Variants in HLA-DQA1 observed in about 807,000 individuals in gnomAD.
HLA-DQA1 encodes major histocompatibility complex, class II, DQ alpha 1, also known as HLA class II histocompatibility antigen, DQ alpha 1 chain.
Under a neutral mutation model 20.7 loss-of-function variants are expected in HLA-DQA1, and 10 were observed. That is an observed-to-expected ratio of 0.48 (90% confidence interval 0.30 to 0.82). The LOEUF (loss-of-function observed/expected upper bound fraction) is 0.82. Ranked by LOEUF, HLA-DQA1 falls within the 40% of genes least tolerant of loss-of-function variation. The pLI, the probability that HLA-DQA1 is intolerant of heterozygous loss-of-function variation, is 0.07. For missense variants in HLA-DQA1, 127 were observed against 293.0 expected, an observed-to-expected ratio of 0.43 and a Z score of 4.14; for synonymous variants, 39 against 109.2, an observed-to-expected ratio of 0.36 and a Z score of 4.01.
At chr6:32,654,124 C>G in the HLA-DQA1 span, among the ~76,000 whole-genome samples, 1,997 of 69,168 alleles carry the variant, frequency 0.029, 344 homozygotes, top group African/African-American at 0.063. Context: ...GGACAGCATG[C>G]TGAAACTCTG....
chr6:32,643,096 A>T lies in HLA-DQA1; in HGVS notation c.*165A>T. The T allele has an allele frequency of 2.7e-6, 1 of 366,312 alleles. No individual in the cohort carries two copies. The highest frequency in any genetic ancestry group is 5.2e-6 in the Non-Finnish European group (1 of 190,824). 22.7% of individuals were successfully genotyped at this position (366,312 alleles called of 1,614,324 possible). On this transcript the variant is annotated 3_prime_UTR_variant, in exon 5 of 5. Coordinates refer to ENST00000343139, the MANE Select transcript of HLA-DQA1 (RefSeq NM_002122.5). Reference sequence around the variant, plus strand: ...GGGACTTAAGCTGCTATATCCCCTCAGAGCTCACAAATGCCTTTACATTCT... The same window carrying T: ...GGGACTTAAGCTGCTATATCCCCTCTGAGCTCACAAATGCCTTTACATTCT...
chr6:32,652,567 G>A, the HLA-DQA1 span, among the ~76,000 whole-genome samples: 84,135 of 149,006 alleles, frequency 0.56, 24,037 homozygotes, highest in Middle Eastern at 0.7. Flanking sequence ...AGAAAATGAT[G>A]AACAATTTTT....
downstream of HLA-DQA1, among the ~76,000 whole-genome samples, chr6:32,647,861 A>C (rs17843581): frequency 0.57 from 85,511 of 150,820 alleles, 24,494 homozygotes; most frequent in Middle Eastern, 0.7. Flanking sequence ...CAATAAGTAC[A>C]ATACTTTGTT....
At chr6:32,650,517 G>A (rs1445585237), downstream of HLA-DQA1, among the ~76,000 whole-genome samples, 2 of 95,914 alleles carry the variant, frequency 2.1e-5, no homozygotes, top group Non-Finnish European at 2.3e-5. Flanking sequence ...ATACTATGCA[G>A]CCATATAAAA....
chr6:32,650,781 A>G (rs544630867), downstream of HLA-DQA1, among the ~76,000 whole-genome samples: 2 of 90,720 alleles, frequency 2.2e-5, 1 homozygote, highest in Non-Finnish European at 4.8e-5. Context: ...GCAAACCAAT[A>G]TGGCACATGT....
intron 3 of HLA-DQA1, 156 bp downstream of exon 3, chr6:32,642,409 G>C (rs77452414): frequency 0.13 from 64,047 of 493,238 alleles, 19,585 homozygotes; most frequent in Admixed American, 0.26. Context: ...AAAAAAAGCA[G>C]AGATTTATTG....
chr6:32,650,844 T>TATAATA (rs199519440), downstream of HLA-DQA1, among the ~76,000 whole-genome samples: 52 of 63,600 alleles, frequency 8.2e-4, 14 homozygotes, highest in Non-Finnish European at 1.3e-3. Context: ...GAGCTTAAAG[T>TATAATA]ATAATAATAA....
At chr6:32,638,701 GGAAGGAAGGAAGGAAGGA>G (rs1316921010) in intron 1 of HLA-DQA1, among the ~76,000 whole-genome samples, 1 of 78,364 alleles carries the variant, frequency 1.3e-5, no homozygotes, top group African/African-American at 4.3e-5. Context: ...AAGAAAGCGA[GGAAGGAAGGAAGGAAGGA>G]GAAGGAAGGA....
At chr6:32,654,258 C>T in the HLA-DQA1 span, among the ~76,000 whole-genome samples, 18,380 of 89,096 alleles carry the variant, frequency 0.21, 5,183 homozygotes, top group Admixed American at 0.26. Context: ...GAGCTGTGAT[C>T]ATACCACTGC....
In HLA-DQA1 at chr6:32,643,421, G is replaced by A. The variant is rs539042680; in HGVS notation, c.*490G>A. ...CAAGTACAGTATAGCCTGATAATATGTTGATTTCTTAGCTGACATTAATAT... is the reference window on the plus strand; with the variant it reads ...CAAGTACAGTATAGCCTGATAATATATTGATTTCTTAGCTGACATTAATAT... On this transcript the variant is annotated 3_prime_UTR_variant, in exon 5 of 5. Transcript: ENST00000343139. 9.8e-6 allele frequency: 2 copies of A among 203,176 alleles called. No individual in the cohort carries two copies. The highest frequency in any genetic ancestry group is 5.2e-5 in the African/African-American group (2 of 38,306). The allele number at this position is 203,176 out of a possible 1,614,324, so 12.6% of individuals were successfully genotyped here. A position where few individuals can be genotyped will look rare whatever the true frequency, so the allele number is the denominator to read the frequency against.
At chr6:32,637,599 G>GAA in intron 1 of HLA-DQA1, 59 bp downstream of exon 1, 1 of 779,912 alleles carries the variant, frequency 1.3e-6, no homozygotes. Flanking sequence ...TGAAGGAAAA[G>GAA]AGATAAAGCG....
chr6:32,643,690 A>G (rs1846183), downstream of HLA-DQA1: 148 of 147,766 alleles, frequency 1.0e-3, 6 homozygotes, highest in Middle Eastern at 6.9e-3. Flanking sequence ...CAAAACTTTA[A>G]ATTTATGAAG....
intron 1 of HLA-DQA1, among the ~76,000 whole-genome samples, chr6:32,638,588 G>C (rs1781075425): frequency 1.0e-5 from 1 of 100,346 alleles, no homozygotes; most frequent in South Asian, 3.1e-4. Context: ...GCCGTGGGAG[G>C]ACCACTTGAG....
chr6:32,639,201 G>A (rs9272552), intron 1 of HLA-DQA1: 19 of 162,358 alleles, frequency 1.2e-4, no homozygotes, highest in Non-Finnish European at 1.3e-4. Flanking sequence ...CAGTGCAGGG[G>A]ACCCTCCATA....
chr6:32,648,030 A>G (rs17843588), downstream of HLA-DQA1, among the ~76,000 whole-genome samples: 84,215 of 148,974 alleles, frequency 0.57, 24,129 homozygotes, highest in Middle Eastern at 0.69. Context: ...TAAAACGAGA[A>G]AGTGTCACGC....
At chr6:32,640,733 C>T (rs1399393104) in intron 1 of HLA-DQA1, among the ~76,000 whole-genome samples, 5 of 99,896 alleles carry the variant, frequency 5.0e-5, no homozygotes, top group Non-Finnish European at 8.8e-5. Flanking sequence ...TATTACCAAT[C>T]TTGTTATACT....
intron 1 of HLA-DQA1, chr6:32,639,927 C>CA (rs28383902): frequency 0.48 from 44,440 of 92,422 alleles, 18,723 homozygotes; most frequent in Admixed American, 0.57. Flanking sequence ...GAGGAACAGA[C>CA]AACTTGGACA....
chr6:32,655,225 T>C, the HLA-DQA1 span, among the ~76,000 whole-genome samples: 2 of 131,762 alleles, frequency 1.5e-5, no homozygotes, highest in African/African-American at 5.6e-5. Flanking sequence ...AAGTGTAACA[T>C]TTTTAACTTT....
At chr6:32,637,797 T>A (rs563487009) in intron 1 of HLA-DQA1, among the ~76,000 whole-genome samples, 9 of 116,096 alleles carry the variant, frequency 7.8e-5, no homozygotes, top group Non-Finnish European at 1.3e-4. Flanking sequence ...GAGGTCTCTA[T>A]GTCGTTCCAT....
Sources: allele counts gnomAD v4.1 joint callset (sites outside exome capture counted in the v4.1 genomes callset), GRCh38; gene constraint gnomAD v4.1.1; transcripts MANE v1.5; gene names NCBI Gene and HGNC (gene_info 2026-07-23, HGNC 2026-07-21).